The following AOC1 variants were observed in gnomAD, a reference collection of about 807,000 sequenced individuals.
AOC1 encodes the protein diamine oxidase [copper-containing].
Under a neutral mutation model 57.1 loss-of-function variants are expected in AOC1, and 58 were observed. That is an observed-to-expected ratio of 1.02 (90% CI 0.82 to 1.26). The LOEUF (loss-of-function observed/expected upper bound fraction) is 1.26, where lower values mean the gene tolerates loss of function less well. AOC1 is among the 50% of genes most tolerant of loss of function. The pLI, the probability that AOC1 is intolerant of heterozygous loss-of-function variation, is 0.00. For synonymous variants in AOC1, 401 were observed against 423.4 expected, an observed-to-expected ratio of 0.95 and a Z score of 0.65; for missense variants, 917 against 1,005.3, an observed-to-expected ratio of 0.91 and a Z score of 1.19.
chr7:150,857,822 T>C lies in AOC1; in HGVS notation c.1352T>C (p.Val451Ala). The change falls in exon 2 of 5, where the codon GTG becomes GCG. Residue 451 changes from valine (V) to alanine (A), a missense_variant. Val to Ala is a moderately conservative substitution (Grantham distance 64). Transcript: ENST00000360937. This position sits in a 1 kb window ranked among gnomAD's most constrained non-coding sequence, Gnocchi z 6.6. ...GCGGGGCTGAAGGGCCAGGTGCTGG[T>C]GCTGCGGACAACTTCAACTGTCTAC... is the stretch of plus-strand genomic sequence containing the variant. ...FYAGLKGQVL[V>A]LRTTSTVYNY... 6.2e-7 allele frequency: 1 copy of C among 1,614,154 alleles called. No individual in the cohort carries two copies. Among genetic ancestry groups the C allele is most frequent in the Non-Finnish European group, 8.5e-7 (1 of 1,179,982 alleles).
In AOC1 at chr7:150,856,036, G is replaced by A. The variant is rs1799757492; in HGVS notation, c.-16-419G>A. On this transcript the variant is annotated intron_variant, in intron 1 of 4. Coordinates refer to ENST00000360937, the MANE Select transcript of AOC1 (RefSeq NM_001091.4). The surrounding 1 kb of genome is among the most constrained non-coding windows in gnomAD (Gnocchi z 5.2). The stretch of plus-strand genomic sequence containing the variant: ...ATTTCAAAATCTGTCTACCTAAAAG[G>A]TATTTCGTTGTGTCAGAAATGTAGT... Among the ~76,000 whole-genome samples, 1 of 152,114 alleles carries A rather than the reference G, an allele frequency of 6.6e-6. No individual in the cohort carries two copies. Among genetic ancestry groups the A allele is most frequent in the African/African-American group, 2.4e-5 (1 of 41,420 alleles).
intron 4 of AOC1, 137 bp from the exon 5 acceptor site, chr7:150,860,806 C>T (rs1243710508): frequency 2.2e-6 from 3 of 1,363,994 alleles, no homozygotes; most frequent in Non-Finnish European, 3.0e-6. Flanking sequence ...CACAACAGAG[C>T]TGCTCATCTC....
At position 150,856,919 on chromosome 7, in the gene AOC1, T is replaced by TC. The variant is rs1211172227; in HGVS notation, c.451dup (p.Leu151ProfsTer29). On this transcript the variant is annotated frameshift_variant, in exon 2 of 5. Transcript: ENST00000360937. LOFTEE classifies it high-confidence loss of function. This position sits in a 1 kb window ranked among gnomAD's most constrained non-coding sequence, Gnocchi z 5.2. The stretch of plus-strand genomic sequence containing the variant: ...CCCATCTCCACAGCAGAGTATGCCC[T>TC]CCTCTACCACACCCTGCAGGAAGCC... The TC allele has an allele frequency of 3.1e-6, 5 of 1,613,912 alleles. No homozygotes were observed. The highest frequency in any genetic ancestry group is 4.2e-6 in the Non-Finnish European group (5 of 1,179,970).
chr7:150,858,068 TCA>T, intron 2 of AOC1, 28 bp downstream of exon 2: 2 of 1,496,916 alleles, frequency 1.3e-6, no homozygotes, highest in Non-Finnish European at 1.8e-6. Context: ...ACTCTCCCGT[TCA>T]AACATCTGCA....
rs1390475277 is a variant in AOC1, at chr7:150,859,045, CA to C, written c.1855del (p.Arg619GlyfsTer6). On this transcript the variant is annotated frameshift_variant and splice_region_variant, in exon 3 of 5. Transcript: ENST00000360937. LOFTEE classifies it high-confidence loss of function. ...CAGGAGGAGCAGGCCATCACCTGGGCAAGGTGAGGAAGACCCAGGGGGCCTG... is the reference window on the plus strand; with the variant it reads ...CAGGAGGAGCAGGCCATCACCTGGGCAGGTGAGGAAGACCCAGGGGGCCTG... ...GWQEEQAITW[A>X]RYPLAVTKYR... 2 of 1,564,458 alleles carry C rather than the reference CA, an allele frequency of 1.3e-6. No individual in the cohort carries two copies. Among genetic ancestry groups the C allele is most frequent in the African/African-American group, 2.7e-5 (2 of 73,558 alleles).
At position 150,857,125 on chromosome 7, in the gene AOC1, C is replaced by T; in HGVS notation, c.655C>T (p.Leu219Phe). The change falls in exon 2 of 5, where the codon CTC becomes TTC. Residue 219 changes from leucine to phenylalanine, a missense_variant. Physicochemically the swap from Leu to Phe is conservative, Grantham distance 22 (BLOSUM62 0). Coordinates refer to ENST00000360937, the MANE Select transcript of AOC1 (RefSeq NM_001091.4). The surrounding 1 kb of genome is among the most constrained non-coding windows in gnomAD (Gnocchi z 6.6). The stretch of plus-strand genomic sequence containing the variant: ...CTTTCTGCACCCCACTGGGCTGGAG[C>T]TCCTCGTGGATCATGGGAGCACAGA... Reference protein sequence around the residue: ...GYFLHPTGLELLVDHGSTDAG... With the variant: ...GYFLHPTGLEFLVDHGSTDAG... The T allele has an allele frequency of 1.2e-6, 2 of 1,614,024 alleles. No individual in the cohort carries two copies. Among genetic ancestry groups the T allele is most frequent in the Non-Finnish European group, 1.7e-6 (2 of 1,180,002 alleles).
At position 150,856,563 on chromosome 7, in the gene AOC1, G is replaced by T. The variant is rs1799780981; in HGVS notation, c.93G>T (p.Gly31=). The T allele has an allele frequency of 6.2e-7, 1 of 1,614,082 alleles. No individual in the cohort carries two copies. Among genetic ancestry groups the T allele is most frequent in the Non-Finnish European group, 8.5e-7 (1 of 1,179,966 alleles). The change falls in exon 2 of 5, where the codon GGG becomes GGT. Residue 31 remains glycine, a synonymous_variant. Coordinates refer to ENST00000360937, the MANE Select transcript of AOC1 (RefSeq NM_001091.4). The surrounding 1 kb of genome is among the most constrained non-coding windows in gnomAD (Gnocchi z 5.2). The part of the protein sequence containing the change: ...PSPGTLPRKA[G]VFSDLSNQEL... ...CGGGGACTCTGCCCAGGAAGGCAGG[G>T]GTGTTTTCAGACCTAAGCAACCAAG...
chr7:150,860,896 G>A (rs1384240390), intron 4 of AOC1, 47 bp from the exon 5 acceptor site: 1 of 1,579,328 alleles, frequency 6.3e-7, no homozygotes, highest in Admixed American at 1.7e-5. Context: ...GGCCTCCAGT[G>A]GTCAGTACTC....
chr7:150,859,060 C>A lies in AOC1; in HGVS notation c.1856+12C>A. The A allele has an allele frequency of 3.2e-6, 5 of 1,540,974 alleles. No individual in the cohort carries two copies. The highest frequency in any genetic ancestry group is 1.2e-5 in the South Asian group (1 of 80,972). ...ATCACCTGGGCAAGGTGAGGAAGAC[C>A]CAGGGGGCCTGGGGGAGGGTCAGTG... is the stretch of plus-strand genomic sequence containing the variant. On this transcript the variant is annotated intron_variant, in intron 3 of 4. Coordinates refer to ENST00000360937, the MANE Select transcript of AOC1 (RefSeq NM_001091.4).
chr7:150,859,437 C>T (rs1423397069), intron 3 of AOC1, among the ~76,000 whole-genome samples: 2 of 152,136 alleles, frequency 1.3e-5, no homozygotes, highest in Non-Finnish European at 2.9e-5. Context: ...GGCACGGTGG[C>T]TCACGCCTGT....
intron 3 of AOC1, among the ~76,000 whole-genome samples, chr7:150,859,409 T>C: frequency 6.6e-6 from 1 of 152,092 alleles, no homozygotes; most frequent in South Asian, 2.1e-4. Flanking sequence ...GAAAATGTTA[T>C]TAATAAAATC....
At chr7:150,854,037 G>C (rs1799702606) in intron 1 of AOC1, 1 of 152,068 alleles carries the variant, frequency 6.6e-6, no homozygotes. Flanking sequence ...AGAAAAAATA[G>C]TCTATTTAAA....
At chr7:150,858,418 T>C (rs763059257) in intron 2 of AOC1, among the ~76,000 whole-genome samples, 1 of 152,050 alleles carries the variant, frequency 6.6e-6, no homozygotes, top group Non-Finnish European at 1.5e-5. Context: ...ATGGGTAGAA[T>C]AACTAATGCT....
chr7:150,859,714 A>AAAT (rs1554414971), intron 3 of AOC1: 1 of 153,208 alleles, frequency 6.5e-6, no homozygotes, highest in Non-Finnish European at 1.5e-5. Context: ...AAAAAAAAAA[A>AAAT]AAAAAAATCC....
chr7:150,859,067 G>A lies in AOC1; in HGVS notation c.1856+19G>A. ...GGGCAAGGTGAGGAAGACCCAGGGGGCCTGGGGGAGGGTCAGTGGCTTCCC... is the reference window on the plus strand; with the variant it reads ...GGGCAAGGTGAGGAAGACCCAGGGGACCTGGGGGAGGGTCAGTGGCTTCCC... On this transcript the variant is annotated intron_variant, in intron 3 of 4. Transcript: ENST00000360937. The A allele has an allele frequency of 1.3e-6, 2 of 1,527,382 alleles. No homozygotes were observed. The highest frequency in any genetic ancestry group is 1.8e-6 in the Non-Finnish European group (2 of 1,135,690). The allele number at this position is 1,527,382 out of a possible 1,614,324, so 94.6% of individuals were successfully genotyped here. A position where few individuals can be genotyped will look rare whatever the true frequency, so the allele number is the denominator to read the frequency against.
In AOC1 at chr7:150,858,868, A is replaced by G. The variant is rs770021664; in HGVS notation, c.1676A>G (p.Tyr559Cys). Residue 559 changes from tyrosine (Y) to cysteine (C), a missense_variant, in exon 3 of 5, where the codon TAC (tyrosine) becomes TGC (cysteine). By Grantham distance (194) the Tyr-to-Cys change is radical. Coordinates refer to ENST00000360937, the MANE Select transcript of AOC1 (RefSeq NM_001091.4). Reference protein sequence around the residue: ...VVQPTLEQTQYSWERQAAFRF... With the variant: ...VVQPTLEQTQCSWERQAAFRF... Reference sequence around the variant, plus strand: ...CAGCCAACTCTGGAGCAGACGCAGTACTCCTGGGAGCGCCAGGCGGCCTTC... The same window carrying G: ...CAGCCAACTCTGGAGCAGACGCAGTGCTCCTGGGAGCGCCAGGCGGCCTTC... 9.9e-6 allele frequency: 16 copies of G among 1,613,720 alleles called. No homozygotes were observed. Among genetic ancestry groups the G allele is most frequent in the Admixed American group, 8.3e-5 (5 of 59,980 alleles).
In AOC1 at chr7:150,856,271, C is replaced by T. The variant is rs1297183610; in HGVS notation, c.-16-184C>T. Among the ~76,000 whole-genome samples the T allele has an allele frequency of 1.4e-4, 21 of 152,194 alleles. No individual in the cohort carries two copies. On this transcript the variant is annotated intron_variant, in intron 1 of 4. Transcript: ENST00000360937. This position sits in a 1 kb window ranked among gnomAD's most constrained non-coding sequence, Gnocchi z 5.2. ...GGGCAGAAATAAATGGATGGATGCA[C>T]AGGCAGCGGCCCGACGGCGCTGGGG...
In AOC1 at chr7:150,858,753, A is replaced by G. The variant is rs1413276079; in HGVS notation, c.1571-10A>G. 1.3e-6 allele frequency: 2 copies of G among 1,586,068 alleles called. No individual in the cohort carries two copies. Among genetic ancestry groups the G allele is most frequent in the Admixed American group, 1.7e-5 (1 of 58,232 alleles). ...TGATTCTCGTTCTCCTTCTCCCTGC[A>G]TACCTCCAGGCACCAAGAACAGCTT... On this transcript the variant is annotated splice_polypyrimidine_tract_variant and intron_variant, in intron 2 of 4. Transcript: ENST00000360937.
rs552849238 is a variant in AOC1 at position 150,858,229 on chromosome 7, G to C, written c.1570+189G>C. 1.2e-4 allele frequency among the ~76,000 whole-genome samples: 18 copies of C among 152,322 alleles called. No individual in the cohort carries two copies. The South Asian group carries it at 3.7e-3, about 32-fold the overall frequency. On this transcript the variant is annotated intron_variant, in intron 2 of 4. Coordinates refer to ENST00000360937, the MANE Select transcript of AOC1 (RefSeq NM_001091.4). ...ATGGTGAAAGCGAACAGTGCCGAGG[G>C]TTGCCCTGGATGCAACAGTGTGGAC... is the stretch of plus-strand genomic sequence containing the variant.
Sources: allele counts gnomAD v4.1 joint callset (sites outside exome capture counted in the v4.1 genomes callset), GRCh38; gene constraint gnomAD v4.1.1; non-coding constraint Gnocchi (gnomAD v3.1); transcripts MANE v1.5; gene names NCBI Gene and HGNC (gene_info 2026-07-23, HGNC 2026-07-21).